CREG2: variants seen among roughly 807,000 people sequenced by gnomAD.
CREG2 encodes the protein protein CREG2.
In CREG2, 24 loss-of-function variants were observed where a neutral mutation model predicts 26.2. The observed-to-expected ratio is 0.92, with a 90% CI of 0.66 to 1.29. The LOEUF (loss-of-function observed/expected upper bound fraction) is 1.29. CREG2 is among the 50% of genes most tolerant of loss of function. The probability of loss-of-function intolerance (pLI) is 0.00; values close to 1 mark genes in which losing one functional copy is unlikely to be tolerated. For synonymous variants in CREG2, 174 were observed against 169.2 expected, an observed-to-expected ratio of 1.03 and a Z score of -0.22; for missense variants, 366 against 398.6, an observed-to-expected ratio of 0.92 and a Z score of 0.70.
intron 3 of CREG2, among the ~76,000 whole-genome samples, chr2:101,355,050 G>T (rs1684435817): frequency 6.6e-6 from 1 of 152,156 alleles, no homozygotes; most frequent in Non-Finnish European, 1.5e-5. Flanking sequence ...ATAGCTCAGT[G>T]CAGTGCTCTC....
intron 1 of CREG2, 57 bp downstream of exon 1, chr2:101,386,960 G>A: frequency 4.1e-6 from 5 of 1,228,888 alleles, no homozygotes; most frequent in South Asian, 4.1e-5. Flanking sequence ...CCCTGTCCCC[G>A]TCCCCCGGCC....
chr2:101,361,177 T>C, intron 2 of CREG2, among the ~76,000 whole-genome samples: 1 of 152,232 alleles, frequency 6.6e-6, no homozygotes, highest in African/African-American at 2.4e-5. Flanking sequence ...AAAAGGAGAT[T>C]ATATATTTTA....
At chr2:101,376,341 G>A (rs1322955797) in intron 2 of CREG2, among the ~76,000 whole-genome samples, 1 of 151,280 alleles carries the variant, frequency 6.6e-6, no homozygotes, top group Non-Finnish European at 1.5e-5. Flanking sequence ...GCAGTGGCCT[G>A]ATCTCAGCTC....
chr2:101,363,881 C>CAG (rs1553446770), intron 2 of CREG2, among the ~76,000 whole-genome samples: 1 of 151,256 alleles, frequency 6.6e-6, no homozygotes, highest in African/African-American at 2.4e-5. Context: ...CACACACACA[C>CAG]ACAGACACAC....
chr2:101,376,120 A>G (rs1211627450), intron 2 of CREG2: 1 of 158,328 alleles, frequency 6.3e-6, no homozygotes, highest in East Asian at 1.8e-4. Context: ...ACACCTGTCC[A>G]TGCTTATGTT....
At position 101,363,851 on chromosome 2, in the gene CREG2, A is replaced by AACACACACACAC. The variant is rs5832961; in HGVS notation, c.612-8497_612-8486dup. Among the ~76,000 whole-genome samples the AACACACACACAC allele has an allele frequency of 3.0e-3, 438 of 146,072 alleles. 1 individual carries two copies. The highest frequency in any genetic ancestry group is 0.011 in the African/African-American group (420 of 39,200). On this transcript the variant is annotated intron_variant, in intron 2 of 3. Coordinates refer to ENST00000324768, the MANE Select transcript of CREG2 (RefSeq NM_153836.4). ...GGTGACAGAGTGAGACCCTGTCTCA[A>AACACACACACAC]ACACACACACACACACACACACACA...
chr2:101,370,518 G>C (rs1381163967), intron 2 of CREG2, among the ~76,000 whole-genome samples: 1 of 152,174 alleles, frequency 6.6e-6, no homozygotes, highest in South Asian at 2.1e-4. Context: ...ATATTAATGG[G>C]AGGGCTTAGG....
At chr2:101,360,041 C>T (rs1020444771) in intron 2 of CREG2, among the ~76,000 whole-genome samples, 1 of 152,200 alleles carries the variant, frequency 6.6e-6, no homozygotes, top group Non-Finnish European at 1.5e-5. Context: ...TTCCCAGGTG[C>T]AGAATAAAGA....
At chr2:101,366,938 G>A (rs191647631) in intron 2 of CREG2, among the ~76,000 whole-genome samples, 7 of 152,218 alleles carry the variant, frequency 4.6e-5, no homozygotes, top group Non-Finnish European at 1.0e-4. Context: ...CTTAAAGTAC[G>A]CAGGAGGATG....
intron 3 of CREG2, among the ~76,000 whole-genome samples, chr2:101,351,548 A>G (rs1684381696): frequency 6.6e-6 from 1 of 152,246 alleles, no homozygotes; most frequent in Non-Finnish European, 1.5e-5. Context: ...AATGTTAACA[A>G]AATGGTGAGC....
chr2:101,384,343 T>C (rs529872524), intron 1 of CREG2, among the ~76,000 whole-genome samples: 2 of 152,340 alleles, frequency 1.3e-5, no homozygotes, highest in East Asian at 3.9e-4. Flanking sequence ...AGAAACATGA[T>C]ATGCCAATTT....
rs1684332663 is a variant in CREG2, at chr2:101,348,418, C to T, written c.*2505G>A. ...TGATATCTTTACTGTTTGTATCTTC[C>T]AATCCAAGAACATGGTATCTCTCTT... On this transcript the variant is annotated 3_prime_UTR_variant, in exon 4 of 4. Coordinates refer to ENST00000324768, the MANE Select transcript of CREG2 (RefSeq NM_153836.4). 1 of 152,136 alleles carries T rather than the reference C, an allele frequency of 6.6e-6. No homozygotes were observed. The highest frequency in any genetic ancestry group is 1.5e-5 in the Non-Finnish European group (1 of 68,020). The allele number at this position is 152,136 out of a possible 1,614,324, so 9.4% of individuals were successfully genotyped here.
chr2:101,387,360 A>T lies in CREG2; in HGVS notation c.98T>A (p.Val33Glu), dbSNP rs751502140. 1 of 1,436,598 alleles carries T rather than the reference A, an allele frequency of 7.0e-7. No individual in the cohort carries two copies. The highest frequency in any genetic ancestry group is 9.3e-7 in the Non-Finnish European group (1 of 1,080,822). The allele number at this position is 1,436,598 out of a possible 1,614,324, so 89.0% of individuals were successfully genotyped here. A position where few individuals can be genotyped will look rare whatever the true frequency, so the allele number is the denominator to read the frequency against. The part of the protein sequence containing the change: ...SALLSPAAGY[V>E]IVSSVSWAVT... Reference sequence around the variant, plus strand: ...GGCCCAAGACACGGAGCTCACGATCACGTAGCCCGCGGCCGGGGACAGCAG... The same window carrying T: ...GGCCCAAGACACGGAGCTCACGATCTCGTAGCCCGCGGCCGGGGACAGCAG... The change falls in exon 1 of 4, where the codon GTG becomes GAG. Residue 33 changes from valine to glutamate, a missense_variant. Coordinates refer to ENST00000324768, the MANE Select transcript of CREG2 (RefSeq NM_153836.4). The surrounding 1 kb of genome is among the most constrained non-coding windows in gnomAD (Gnocchi z 4.7).
chr2:101,379,537 C>T (rs965789034), intron 2 of CREG2, among the ~76,000 whole-genome samples: 1 of 152,106 alleles, frequency 6.6e-6, no homozygotes, highest in African/African-American at 2.4e-5. Flanking sequence ...AAGACACAGG[C>T]CTGTTAATGG....
At position 101,387,326 on chromosome 2, in the gene CREG2, G is replaced by T. The variant is rs866810892; in HGVS notation, c.132C>A (p.Asn44Lys). The part of the protein sequence containing the change: ...IVSSVSWAVT[N>K]EVDEELDSAS... ...CGCTGTCCAGCTCCTCGTCCACCTC[G>T]TTGGTGACGGCCCAAGACACGGAGC... Residue 44 changes from asparagine to lysine, a missense_variant, in exon 1 of 4, where the codon AAC becomes AAA. Physicochemically the swap from Asn to Lys is moderately conservative, Grantham distance 94. Transcript: ENST00000324768. The surrounding 1 kb of genome is among the most constrained non-coding windows in gnomAD (Gnocchi z 4.7). The T allele has an allele frequency of 1.3e-6, 2 of 1,495,136 alleles. No homozygotes were observed. The highest frequency in any genetic ancestry group is 1.8e-6 in the Non-Finnish European group (2 of 1,116,272). 92.6% of individuals were successfully genotyped at this position (1,495,136 alleles called of 1,614,324 possible). A position where few individuals can be genotyped will look rare whatever the true frequency, so the allele number is the denominator to read the frequency against.
intron 2 of CREG2, among the ~76,000 whole-genome samples, chr2:101,375,351 C>G (rs1179291358): frequency 1.3e-5 from 2 of 152,074 alleles, no homozygotes; most frequent in South Asian, 4.2e-4. Context: ...AAAACCACAC[C>G]GAGGCCTGTC....
At chr2:101,373,087 C>A (rs1684736900) in intron 2 of CREG2, among the ~76,000 whole-genome samples, 1 of 152,146 alleles carries the variant, frequency 6.6e-6, no homozygotes, top group African/African-American at 2.4e-5. Flanking sequence ...ACCATAAGAC[C>A]TAGCAATTCC....
rs565493048 is a variant in CREG2 at position 101,368,405 on chromosome 2, C to T, written c.612-13039G>A. 2.0e-5 allele frequency among the ~76,000 whole-genome samples: 3 copies of T among 152,292 alleles called. No homozygotes were observed. The South Asian group carries it at 6.2e-4, about 32-fold the overall frequency. Reference sequence around the variant, plus strand: ...AGCAATGGGAAATGAAAACGCTCTTCCTTAATGCCCCCATGAATATTCCTC... The same window carrying T: ...AGCAATGGGAAATGAAAACGCTCTTTCTTAATGCCCCCATGAATATTCCTC... On this transcript the variant is annotated intron_variant, in intron 2 of 3. Transcript: ENST00000324768.
At position 101,350,162 on chromosome 2, in the gene CREG2, T is replaced by G. The variant is rs1684357145; in HGVS notation, c.*761A>C. On this transcript the variant is annotated 3_prime_UTR_variant, in exon 4 of 4. Coordinates refer to ENST00000324768, the MANE Select transcript of CREG2 (RefSeq NM_153836.4). ...TCCCCACCACAGAATGGAGAGCTTC[T>G]TATTTTGGATGCCCCTGTTCATGCA... The G allele has an allele frequency of 1.3e-5, 2 of 152,264 alleles. No individual in the cohort carries two copies. The highest frequency in any genetic ancestry group is 2.4e-5 in the African/African-American group (1 of 41,450). The allele number at this position is 152,264 out of a possible 1,614,324, so 9.4% of individuals were successfully genotyped here. A position where few individuals can be genotyped will look rare whatever the true frequency, so the allele number is the denominator to read the frequency against.
Sources: gnomAD v4.1 joint callset for allele counts (sites outside exome capture counted in the v4.1 genomes callset) on GRCh38, gnomAD v4.1.1 for gene constraint, Gnocchi (gnomAD v3.1) non-coding constraint, MANE v1.5 for transcripts, NCBI Gene and HGNC (gene_info 2026-07-23, HGNC 2026-07-21) for gene names.